Variants in MYH4 observed in about 807,000 individuals in gnomAD.
The protein encoded by MYH4 is myosin heavy chain 4, also known as myosin-4.
In MYH4, 200 loss-of-function variants were observed where a neutral mutation model predicts 229.9. That is an observed-to-expected ratio of 0.87 (90% CI 0.78 to 0.98). The LOEUF (loss-of-function observed/expected upper bound fraction) is 0.98, where lower values mean the gene tolerates loss of function less well. Among genes scored for constraint, MYH4 ranks in the 50% least tolerant of loss-of-function variants. The probability of loss-of-function intolerance (pLI) is 0.00; values close to 1 mark genes in which losing one functional copy is unlikely to be tolerated. For synonymous variants in MYH4, 761 were observed against 834.6 expected, an observed-to-expected ratio of 0.91 and a Z score of 1.52; for missense variants, 2,148 against 2,332.6, an observed-to-expected ratio of 0.92 and a Z score of 1.63.
rs781088861 is a variant in MYH4 at position 10,460,866 on chromosome 17, G to T, written c.1147+50C>A. 5 of 1,605,340 alleles carry T rather than the reference G, an allele frequency of 3.1e-6. No homozygotes were observed. The South Asian group carries it at 5.5e-5, about 18-fold the overall frequency. Reference sequence around the variant, plus strand: ...AAAACACGGTCCCTGCCTCTGAAAAGTTCACTATGTCAGCTTTGTCAAGTG... The same window carrying T: ...AAAACACGGTCCCTGCCTCTGAAAATTTCACTATGTCAGCTTTGTCAAGTG... On this transcript the variant is annotated intron_variant, in intron 12 of 39. Transcript: ENST00000255381.
chr17:10,467,329 G>A (rs992114881), intron 2 of MYH4, among the ~76,000 whole-genome samples: 20 of 152,076 alleles, frequency 1.3e-4, no homozygotes, highest in African/African-American at 3.6e-4. Context: ...TGTTCTTTCC[G>A]GACATAAGTC....
At chr17:10,462,821 T>A in intron 11 of MYH4, 44 bp downstream of exon 11, 1 of 1,496,866 alleles carries the variant, frequency 6.7e-7, no homozygotes, top group South Asian at 1.2e-5. Context: ...TGTTGTACAC[T>A]GGAAAATGAA....
rs898814994 is a variant in MYH4, at chr17:10,443,338, G to C, written c.*37C>G. ...AGTGACAAAGAACTTCACATTTCGTGCATTTCTTTGGTCACATTTTCTTTC... is the reference window on the plus strand; with the variant it reads ...AGTGACAAAGAACTTCACATTTCGTCCATTTCTTTGGTCACATTTTCTTTC... On this transcript the variant is annotated 3_prime_UTR_variant, in exon 40 of 40. Coordinates refer to ENST00000255381, the MANE Select transcript of MYH4 (RefSeq NM_017533.2). The surrounding 1 kb of genome is among the most constrained non-coding windows in gnomAD (Gnocchi z 4.6). 6.2e-7 allele frequency: 1 copy of C among 1,603,586 alleles called. No homozygotes were observed. Among genetic ancestry groups the C allele is most frequent in the African/African-American group, 1.3e-5 (1 of 74,666 alleles).
At chr17:10,451,010 T>C in intron 28 of MYH4, 115 bp from the exon 29 acceptor site, 1 of 926,254 alleles carries the variant, frequency 1.1e-6, no homozygotes, top group Non-Finnish European at 1.7e-6. Context: ...CCCCTCAAGA[T>C]TTTCAGTGAT....
intron 25 of MYH4, 99 bp from the exon 26 acceptor site, chr17:10,452,605 G>T: frequency 3.9e-6 from 5 of 1,283,562 alleles, no homozygotes; most frequent in Non-Finnish European, 5.5e-6. Context: ...GGTGTTGAAG[G>T]AGTGAGTAGT....
At chr17:10,452,695 C>A in intron 25 of MYH4, 92 bp downstream of exon 25, 1 of 1,416,812 alleles carries the variant, frequency 7.1e-7, no homozygotes, top group South Asian at 1.4e-5. Context: ...TTCCATATGT[C>A]ATGATGTAAC....
intron 11 of MYH4, 134 bp from the exon 12 acceptor site, chr17:10,461,188 G>C: frequency 1.0e-6 from 1 of 978,780 alleles, no homozygotes; most frequent in Non-Finnish European, 1.5e-6. Flanking sequence ...ATCTTCAAAA[G>C]GTACTCATAT....
rs752142664 is a variant in MYH4, at chr17:10,462,992, A to G, written c.905-24T>C. ...TTCTGAACACATGGAAAAGAACAGT[A>G]TATAGACAGCATTGCTTTGGTCATC... On this transcript the variant is annotated intron_variant, in intron 10 of 39. Transcript: ENST00000255381. The G allele has an allele frequency of 8.1e-6, 13 of 1,607,356 alleles. No homozygotes were observed. The South Asian group carries it at 8.8e-5, about 11-fold the overall frequency.
chr17:10,459,481 C>G (rs2072677670), intron 14 of MYH4, 60 bp from the exon 15 acceptor site: 1 of 1,610,942 alleles, frequency 6.2e-7, no homozygotes, highest in African/African-American at 1.3e-5. Context: ...TACAGAGTAT[C>G]TATTAGTATT....
At chr17:10,460,443 C>A (rs1479854234) in intron 12 of MYH4, 122 bp from the exon 13 acceptor site, 4 of 792,070 alleles carry the variant, frequency 5.1e-6, no homozygotes, top group African/African-American at 3.5e-5. Flanking sequence ...TCATTGAAAC[C>A]TTTTCATTTG....
chr17:10,451,365 CATTT>C lies in MYH4; in HGVS notation c.3822_3825del (p.Ile1274MetfsTer21). 6.2e-7 allele frequency: 1 copy of C among 1,614,038 alleles called. No homozygotes were observed. Among genetic ancestry groups the C allele is most frequent in the Admixed American group, 1.7e-5 (1 of 59,986 alleles). On this transcript the variant is annotated frameshift_variant, in exon 28 of 40. Transcript: ENST00000255381. LOFTEE classifies it high-confidence loss of function. ...AAACGTGCCTTCTGGGCTGACAACT[CATTT>C]ATTAAGCGTTGTTGCTCTTCTTCCT...
At position 10,459,923 on chromosome 17, in the gene MYH4, G is replaced by A. The variant is rs763902014; in HGVS notation, c.1416+29C>T. ...ATGCTCTAACAAGAGGATTTGCACT[G>A]GCTAATTTTCTGTCAGTTCACTACT... On this transcript the variant is annotated intron_variant, in intron 14 of 39. Transcript: ENST00000255381. 7 of 1,613,664 alleles carry A rather than the reference G, an allele frequency of 4.3e-6. No individual in the cohort carries two copies. The South Asian group carries it at 7.7e-5, about 18-fold the overall frequency.
intron 30 of MYH4, among the ~76,000 whole-genome samples, chr17:10,449,642 G>A (rs985022077): frequency 1.3e-5 from 2 of 152,178 alleles, no homozygotes; most frequent in Non-Finnish European, 2.9e-5. Flanking sequence ...GCGGCCCAGA[G>A]TGATATGTTC....
Position 10,461,066 on chromosome 17 carries a change from G to A in MYH4, c.1009-12C>T, listed in dbSNP as rs1597422510. The A allele has an allele frequency of 6.2e-7, 1 of 1,613,740 alleles. No homozygotes were observed. The highest frequency in any genetic ancestry group is 8.5e-7 in the Non-Finnish European group (1 of 1,179,774). On this transcript the variant is annotated splice_polypyrimidine_tract_variant and intron_variant, in intron 11 of 39. Coordinates refer to ENST00000255381, the MANE Select transcript of MYH4 (RefSeq NM_017533.2). The stretch of plus-strand genomic sequence containing the variant: ...ATGTCCACAGCACTCTGTCAAAAGA[G>A]TTGAATTTGCTCATCCCCAATTAGC...
In MYH4 at chr17:10,457,526, C is replaced by A. The variant is rs756954435; in HGVS notation, c.1791G>T (p.Leu597=). 1.2e-6 allele frequency: 2 copies of A among 1,614,200 alleles called. No homozygotes were observed. Among genetic ancestry groups the A allele is most frequent in the Admixed American group, 3.3e-5 (2 of 60,024 alleles). ...GTVDYNIAGW[L]DKNKDPLNET... ...CATTCAGGGGGTCCTTGTTTTTGTC[C>A]AGCCAGCCGGCGATGTTGTAGTCCA... The change falls in exon 16 of 40, where the codon CTG becomes CTT. Residue 597 remains leucine (L), a synonymous_variant. Coordinates refer to ENST00000255381, the MANE Select transcript of MYH4 (RefSeq NM_017533.2).
Position 10,445,234 on chromosome 17 carries a change from T to C in MYH4, c.5295+3A>G. 1.2e-6 allele frequency: 2 copies of C among 1,614,180 alleles called. No homozygotes were observed. Among genetic ancestry groups the C allele is most frequent in the Non-Finnish European group, 1.7e-6 (2 of 1,180,028 alleles). On this transcript the variant is annotated splice_donor_region_variant and intron_variant, in intron 36 of 39. Transcript: ENST00000255381. ...CAGTAAGACAAATGCTCATCTTGCT[T>C]ACATCAGTGATGGCCTTCTTGGCCT...
Position 10,464,476 on chromosome 17 carries a change from A to G in MYH4, c.644T>C (p.Met215Thr). 1.2e-6 allele frequency: 2 copies of G among 1,612,340 alleles called. No individual in the cohort carries two copies. The highest frequency in any genetic ancestry group is 8.5e-7 in the Non-Finnish European group (1 of 1,179,128). Residue 215 changes from methionine to threonine, a missense_variant, in exon 7 of 40, where the codon ATG becomes ACG. By Grantham distance (81) the Met-to-Thr change is moderately conservative. Coordinates refer to ENST00000255381, the MANE Select transcript of MYH4 (RefSeq NM_017533.2). Reference protein sequence around the residue: ...KKKEEPASGKMQGTLEDQIIS... With the variant: ...KKKEEPASGKTQGTLEDQIIS... ...TTAGATGAATATCATGCCCACCTGCATTTTGCCAGAGGCAGGTTCCTCTTT... is the reference window on the plus strand; with the variant it reads ...TTAGATGAATATCATGCCCACCTGCGTTTTGCCAGAGGCAGGTTCCTCTTT...
Position 10,455,286 on chromosome 17 carries a change from A to G in MYH4, c.2184T>C (p.Val728=). Residue 728 remains valine, a synonymous_variant, in exon 20 of 40, where the codon GTT becomes GTC. Transcript: ENST00000255381. ...CCTCTGGGATAGCACTCGCATTTAG[A>G]ACCTTGTATCTGTCAGAATAAAAAG... The part of the protein sequence containing the change: ...LYADFKQRYK[V]LNASAIPEGQ... 1 of 1,612,354 alleles carries G rather than the reference A, an allele frequency of 6.2e-7. No homozygotes were observed.
At position 10,448,984 on chromosome 17, in the gene MYH4, A is replaced by G. The variant is rs2072543985; in HGVS notation, c.4245T>C (p.Cys1415=). Residue 1415 remains cysteine, a synonymous_variant, in exon 31 of 40, where the codon TGT becomes TGC. Transcript: ENST00000255381. ...EEHVEAVNSK[C]ASLEKTKQRL... ...TCTGCTTTGTCTTTTCAAGAGAAGC[A>G]CATTTGGAATTCACAGCTTCTACAT... 6.2e-7 allele frequency: 1 copy of G among 1,614,052 alleles called. No individual in the cohort carries two copies. Among genetic ancestry groups the G allele is most frequent in the East Asian group, 2.2e-5 (1 of 44,900 alleles).
Sources: gnomAD v4.1 joint callset for allele counts (sites outside exome capture counted in the v4.1 genomes callset) on GRCh38, gnomAD v4.1.1 for gene constraint, Gnocchi (gnomAD v3.1) non-coding constraint, MANE v1.5 for transcripts, NCBI Gene and HGNC (gene_info 2026-07-23, HGNC 2026-07-21) for gene names.